CCBE1: variants seen among roughly 807,000 people sequenced by gnomAD.
CCBE1 encodes the protein collagen and calcium-binding EGF domain-containing protein 1.
CCBE1 carries 37 observed loss-of-function variants against 50.0 expected under a neutral mutation model. That is an observed-to-expected ratio of 0.74 (90% CI 0.57 to 0.97). The LOEUF (loss-of-function observed/expected upper bound fraction) is 0.97, where lower values mean the gene tolerates loss of function less well. Among genes scored for constraint, CCBE1 ranks in the 50% least tolerant of loss-of-function variants. CCBE1 has a pLI of 0.00. For missense variants in CCBE1, 538 were observed against 523.8 expected (o/e 1.03, Z -0.26); for synonymous variants, 234 against 203.7 (o/e 1.15, Z -1.27).
intron 5 of CCBE1, among the ~76,000 whole-genome samples, chr18:59,457,135 T>C (rs1339630731): frequency 6.6e-6 from 1 of 152,178 alleles, no homozygotes; most frequent in Non-Finnish European, 1.5e-5. Context: ...TTTTTAAAAA[T>C]CCACTTTATG....
intron 6 of CCBE1, among the ~76,000 whole-genome samples, chr18:59,451,166 G>T (rs890596200): frequency 6.6e-6 from 1 of 152,066 alleles, no homozygotes; most frequent in Non-Finnish European, 1.5e-5. Context: ...CCCACAGTAG[G>T]TGCTCAACGA....
intron 2 of CCBE1, among the ~76,000 whole-genome samples, chr18:59,546,963 A>C (rs1198369480): frequency 6.7e-6 from 1 of 150,000 alleles, no homozygotes; most frequent in Non-Finnish European, 1.5e-5. Flanking sequence ...AATATTGTAA[A>C]AGCCCAGGTG....
chr18:59,605,936 CAGTT>C (rs1243451059), intron 2 of CCBE1, among the ~76,000 whole-genome samples: 1 of 152,142 alleles, frequency 6.6e-6, no homozygotes, highest in African/African-American at 2.4e-5. Context: ...AGCTAGGCCT[CAGTT>C]AGAAATCTAC....
At chr18:59,617,993 A>G (rs930596501) in intron 2 of CCBE1, among the ~76,000 whole-genome samples, 1 of 152,236 alleles carries the variant, frequency 6.6e-6, no homozygotes, top group Non-Finnish European at 1.5e-5. Flanking sequence ...GACAAAGTAG[A>G]TGTGGAATCC....
intron 2 of CCBE1, among the ~76,000 whole-genome samples, chr18:59,682,995 GTCT>G (rs1376676606): frequency 6.6e-6 from 1 of 152,190 alleles, no homozygotes; most frequent in Non-Finnish European, 1.5e-5. Flanking sequence ...TAATCCCTCT[GTCT>G]TCTTTTTTCC....
chr18:59,559,444 C>T (rs191771672), intron 2 of CCBE1, among the ~76,000 whole-genome samples: 4 of 152,306 alleles, frequency 2.6e-5, no homozygotes, highest in South Asian at 2.1e-4. Flanking sequence ...GCCCGTGCCC[C>T]GCCAAGTTGT....
intron 2 of CCBE1, among the ~76,000 whole-genome samples, chr18:59,562,249 C>T (rs909138373): frequency 6.6e-6 from 1 of 152,134 alleles, no homozygotes; most frequent in Non-Finnish European, 1.5e-5. Flanking sequence ...ACTGGCTAGG[C>T]ATGAACACCT....
chr18:59,616,901 C>T (rs1944980), intron 2 of CCBE1, among the ~76,000 whole-genome samples: 21,753 of 152,164 alleles, frequency 0.14, 1,872 homozygotes, highest in African/African-American at 0.24. Flanking sequence ...TTCATCACTC[C>T]AGACTTCAGC....
intron 3 of CCBE1, among the ~76,000 whole-genome samples, chr18:59,479,438 A>G (rs1258205123): frequency 6.6e-6 from 1 of 152,176 alleles, no homozygotes; most frequent in Non-Finnish European, 1.5e-5. Flanking sequence ...TATTGCAGTT[A>G]TTACTAACAA....
chr18:59,649,898 G>T (rs1174206743), intron 2 of CCBE1, among the ~76,000 whole-genome samples: 1 of 152,190 alleles, frequency 6.6e-6, no homozygotes, highest in Non-Finnish European at 1.5e-5. Flanking sequence ...GAGCCTTGGG[G>T]TCCCACTGAC....
chr18:59,472,182 A>G (rs1378901881), intron 3 of CCBE1, among the ~76,000 whole-genome samples: 1 of 152,218 alleles, frequency 6.6e-6, no homozygotes, highest in Non-Finnish European at 1.5e-5. Context: ...AGGGCTTGCT[A>G]GCCAGTACCT....
intron 5 of CCBE1, among the ~76,000 whole-genome samples, chr18:59,461,020 T>C (rs1911447445): frequency 2.0e-5 from 3 of 151,974 alleles, no homozygotes; most frequent in Admixed American, 2.0e-4. Context: ...ACAGGGCTTG[T>C]ATCACTTATG....
At chr18:59,464,716 G>A (rs4998984) in intron 5 of CCBE1, among the ~76,000 whole-genome samples, 56,381 of 152,120 alleles carry the variant, frequency 0.37, 11,080 homozygotes, top group East Asian at 0.67. Context: ...TCACTTTGTA[G>A]TTCTCCCTTG....
intron 2 of CCBE1, among the ~76,000 whole-genome samples, chr18:59,677,668 G>C (rs866934465): frequency 6.6e-6 from 1 of 151,650 alleles, no homozygotes; most frequent in East Asian, 1.9e-4. Context: ...TTGAACCCAG[G>C]AGTTGAGTCT....
chr18:59,558,598 G>A (rs2052686504), intron 2 of CCBE1, among the ~76,000 whole-genome samples: 1 of 152,212 alleles, frequency 6.6e-6, no homozygotes, highest in Non-Finnish European at 1.5e-5. Context: ...CTGCCCTGCT[G>A]ATGCTGTACA....
At chr18:59,490,044 T>G (rs1489238466) in intron 2 of CCBE1, among the ~76,000 whole-genome samples, 1 of 143,358 alleles carries the variant, frequency 7.0e-6, no homozygotes, top group Non-Finnish European at 1.5e-5. Flanking sequence ...TGGAGTGCAG[T>G]GGCGTGATCT....
rs150888975 is a variant in CCBE1 at position 59,672,575 on chromosome 18, C to A, written c.212+24054G>T. Among the ~76,000 whole-genome samples, 7 of 152,332 alleles carry A rather than the reference C, an allele frequency of 4.6e-5. No homozygotes were observed. In the East Asian group the frequency reaches 1.4e-3, roughly 29 times the overall value. On this transcript the variant is annotated intron_variant, in intron 2 of 10. Transcript: ENST00000439986. The stretch of plus-strand genomic sequence containing the variant: ...TTTCTGCTGGCATCCAGCACCCAGA[C>A]CTCAGACACAAGAGTGAGGCCCTCT...
chr18:59,639,487 C>T (rs116498270), intron 2 of CCBE1, among the ~76,000 whole-genome samples: 3,902 of 152,226 alleles, frequency 0.026, 171 homozygotes, highest in African/African-American at 0.09. Context: ...ATTGAAGGAA[C>T]GTACTGCAAA....
chr18:59,549,856 G>A (rs1282963595), intron 2 of CCBE1, among the ~76,000 whole-genome samples: 2 of 152,250 alleles, frequency 1.3e-5, no homozygotes, highest in East Asian at 1.9e-4. Flanking sequence ...TGACATTAGT[G>A]GCCCACTCAT....
Sources: allele counts gnomAD v4.1 joint callset (sites outside exome capture counted in the v4.1 genomes callset), GRCh38; gene constraint gnomAD v4.1.1; transcripts MANE v1.5; gene names NCBI Gene and HGNC (gene_info 2026-07-23, HGNC 2026-07-21).